Variants in OR4D9 observed in about 807,000 individuals in gnomAD.
OR4D9 encodes olfactory receptor family 4 subfamily D member 9, also known as olfactory receptor 4D9.
In OR4D9, 2 loss-of-function variants were observed where a neutral mutation model predicts 0.8. The observed-to-expected ratio is 2.58, with a 90% CI of 1.06 to 8.13. The LOEUF (loss-of-function observed/expected upper bound fraction) is 8.13, where lower values mean the gene tolerates loss of function less well. Among genes scored for constraint, OR4D9 ranks in the 30% most tolerant of loss-of-function variants. The pLI is 0.04. For synonymous variants in OR4D9, 146 were observed against 151.2 expected, an observed-to-expected ratio of 0.97 and a Z score of 0.25; for missense variants, 399 against 384.7, an observed-to-expected ratio of 1.04 and a Z score of -0.31.
rs1280741789 is a variant in OR4D9 at position 59,519,943 on chromosome 11, T to C, written c.*4086T>C. ...CTGGAGGCCGTGATCCTAAGCAAAT[T>C]AATGCAGGAACAAAAAATCGAATAC... On this transcript the variant is annotated 3_prime_UTR_variant, in exon 3 of 3. Coordinates refer to ENST00000641962, the MANE Select transcript of OR4D9 (RefSeq NM_001004711.2). 1 of 152,148 alleles carries C rather than the reference T, an allele frequency of 6.6e-6. No homozygotes were observed. Among genetic ancestry groups the C allele is most frequent in the African/African-American group, 2.4e-5 (1 of 41,430 alleles). 9.4% of individuals were successfully genotyped at this position (152,148 alleles called of 1,614,324 possible). A position where few individuals can be genotyped will look rare whatever the true frequency, so the allele number is the denominator to read the frequency against.
intron 1 of OR4D9, among the ~76,000 whole-genome samples, chr11:59,512,482 A>G (rs1859342193): frequency 6.6e-6 from 1 of 150,824 alleles, no homozygotes; most frequent in Non-Finnish European, 1.5e-5. Context: ...ATCTCAAAAA[A>G]AAAAAAAAAA....
rs1264253066 is a variant in OR4D9, at chr11:59,517,060, C to T, written c.*1203C>T. On this transcript the variant is annotated 3_prime_UTR_variant, in exon 3 of 3. Transcript: ENST00000641962. ...CTCCAGCCTGGGCAACAGAGCAAGA[C>T]TCTGTCCAAAAATAATAATAATAAT... 4 of 151,760 alleles carry T rather than the reference C, an allele frequency of 2.6e-5. No individual in the cohort carries two copies. Among genetic ancestry groups the T allele is most frequent in the Non-Finnish European group, 5.9e-5 (4 of 67,960 alleles). 9.4% of individuals were successfully genotyped at this position (151,760 alleles called of 1,614,324 possible).
chr11:59,513,981 A>C (rs192887260), intron 1 of OR4D9, among the ~76,000 whole-genome samples: 275 of 152,210 alleles, frequency 1.8e-3, no homozygotes, highest in Admixed American at 3.7e-3. Context: ...AAAAAATATA[A>C]AAAATAACAG....
rs1445254049 is a variant in OR4D9 at position 59,519,338 on chromosome 11, AG to A, written c.*3482del. Reference sequence around the variant, plus strand: ...CACCGTACTCCCACCTGGGCAAAAGAGTGAGACCCTGTCTCAAAAAAAAAAA... The same window carrying A: ...CACCGTACTCCCACCTGGGCAAAAGATGAGACCCTGTCTCAAAAAAAAAAA... On this transcript the variant is annotated 3_prime_UTR_variant, in exon 3 of 3. Transcript: ENST00000641962. 10 of 152,092 alleles carry A rather than the reference AG, an allele frequency of 6.6e-5. No individual in the cohort carries two copies. Among genetic ancestry groups the A allele is most frequent in the Admixed American group, 1.3e-4 (2 of 15,200 alleles). 9.4% of individuals were successfully genotyped at this position (152,092 alleles called of 1,614,324 possible).
rs756483296 is a variant in OR4D9, at chr11:59,515,523, G to A, written c.611G>A (p.Gly204Glu). 1.6e-5 allele frequency: 26 copies of A among 1,613,958 alleles called. No homozygotes were observed. The highest frequency in any genetic ancestry group is 1.5e-4 in the Admixed American group (9 of 59,984). The part of the protein sequence containing the change: ...TLELLMISNN[G>E]LVSWFVFFFL... The stretch of plus-strand genomic sequence containing the variant: ...GAGCTCCTGATGATTTCAAATAATG[G>A]GTTAGTCAGTTGGTTTGTATTCTTC... The change falls in exon 3 of 3, where the codon GGG becomes GAG. Residue 204 changes from glycine to glutamate, a missense_variant. By Grantham distance (98) the Gly-to-Glu change is moderately conservative. Coordinates refer to ENST00000641962, the MANE Select transcript of OR4D9 (RefSeq NM_001004711.2).
intron 1 of OR4D9, among the ~76,000 whole-genome samples, chr11:59,513,177 T>G (rs1859352661): frequency 6.6e-6 from 1 of 151,982 alleles, no homozygotes; most frequent in Admixed American, 6.6e-5. Flanking sequence ...TGTGTTCAAG[T>G]GATTCTCCTG....
Position 59,515,654 on chromosome 11 carries a change from ACCCTGCATTTCGTG to A in OR4D9, c.751_764del (p.Phe251LeufsTer64). On this transcript the variant is annotated frameshift_variant, in exon 3 of 3. Transcript: ENST00000641962. LOFTEE classifies it high-confidence loss of function. ...CTGCACCTCCCACATCACCGTGGTGACCCTGCATTTCGTGCCCTGCATCTATGTCTATGCCCGGC... is the reference window on the plus strand; with the variant it reads ...CTGCACCTCCCACATCACCGTGGTGACCCTGCATCTATGTCTATGCCCGGC... 4 of 1,613,916 alleles carry A rather than the reference ACCCTGCATTTCGTG, an allele frequency of 2.5e-6. No individual in the cohort carries two copies. Among genetic ancestry groups the A allele is most frequent in the Non-Finnish European group, 3.4e-6 (4 of 1,179,974 alleles).
chr11:59,515,879 T>G lies in OR4D9; in HGVS notation c.*22T>G. 4 of 1,492,598 alleles carry G rather than the reference T, an allele frequency of 2.7e-6. No individual in the cohort carries two copies. The highest frequency in any genetic ancestry group is 3.6e-6 in the Non-Finnish European group (4 of 1,097,548). 92.5% of individuals were successfully genotyped at this position (1,492,598 alleles called of 1,614,324 possible). On this transcript the variant is annotated 3_prime_UTR_variant, in exon 3 of 3. Coordinates refer to ENST00000641962, the MANE Select transcript of OR4D9 (RefSeq NM_001004711.2). ...ATAAGGGTAAGATAGTACCCATATTTAAAGATAGACATTAAATTTCACTTT... is the reference window on the plus strand; with the variant it reads ...ATAAGGGTAAGATAGTACCCATATTGAAAGATAGACATTAAATTTCACTTT...
rs1046080659 is a variant in OR4D9, at chr11:59,519,534, T to C, written c.*3677T>C. 1 of 152,082 alleles carries C rather than the reference T, an allele frequency of 6.6e-6. No homozygotes were observed. Among genetic ancestry groups the C allele is most frequent in the African/African-American group, 2.4e-5 (1 of 41,398 alleles). 9.4% of individuals were successfully genotyped at this position (152,082 alleles called of 1,614,324 possible). The stretch of plus-strand genomic sequence containing the variant: ...ACTAGAAGGGCAGGGTTCCATGAGA[T>C]AGAACATTAGGGTAGAGTGCCCCAA... On this transcript the variant is annotated 3_prime_UTR_variant, in exon 3 of 3. Coordinates refer to ENST00000641962, the MANE Select transcript of OR4D9 (RefSeq NM_001004711.2).
chr11:59,513,364 T>C (rs2134584687), intron 1 of OR4D9, among the ~76,000 whole-genome samples: 1 of 152,286 alleles, frequency 6.6e-6, no homozygotes, highest in Middle Eastern at 3.4e-3. Flanking sequence ...AATGAATGTT[T>C]TTACACCAGC....
At position 59,515,126 on chromosome 11, in the gene OR4D9, T is replaced by C; in HGVS notation, c.214T>C (p.Cys72Arg). ...CCGCAACCTGTCTATTCTTGACATC[T>C]GCTTTTCCTCCATCACAGCTCCTAA... ...LLRNLSILDI[C>R]FSSITAPKVL... Residue 72 changes from cysteine to arginine, a missense_variant, in exon 3 of 3, where the codon TGC becomes CGC. Transcript: ENST00000641962. The C allele has an allele frequency of 6.2e-7, 1 of 1,614,198 alleles. No homozygotes were observed. The highest frequency in any genetic ancestry group is 8.5e-7 in the Non-Finnish European group (1 of 1,180,034).
intron 1 of OR4D9, among the ~76,000 whole-genome samples, chr11:59,514,133 A>C (rs1411913847): frequency 6.6e-6 from 1 of 152,224 alleles, no homozygotes; most frequent in Non-Finnish European, 1.5e-5. Flanking sequence ...ATACATGTAG[A>C]TATATACATA....
At chr11:59,512,748 A>G (rs1240504520) in intron 1 of OR4D9, among the ~76,000 whole-genome samples, 3 of 151,442 alleles carry the variant, frequency 2.0e-5, no homozygotes, top group Non-Finnish European at 2.9e-5. Flanking sequence ...GGGAGGATCA[A>G]TTGAGCCCAG....
rs139740267 is a variant in OR4D9, at chr11:59,515,268, C to G, written c.356C>G (p.Ala119Gly). ...GADVFSLSVM[A>G]FDRYIAISKP... The stretch of plus-strand genomic sequence containing the variant: ...GACGTTTTTTCTCTCTCTGTGATGG[C>G]GTTTGACCGCTATATAGCCATCTCC... The change falls in exon 3 of 3, where the codon GCG becomes GGG. Residue 119 changes from alanine to glycine, a missense_variant. By Grantham distance (60) the Ala-to-Gly change is moderately conservative. Transcript: ENST00000641962. 5.0e-6 allele frequency: 8 copies of G among 1,612,338 alleles called. No individual in the cohort carries two copies.
Position 59,515,948 on chromosome 11 carries a change from T to G in OR4D9, c.*91T>G. Reference sequence around the variant, plus strand: ...CTTGTTCATGCCCAAAACAAAGAGATACCTATGGCCACCATCGAGTCCTAA... The same window carrying G: ...CTTGTTCATGCCCAAAACAAAGAGAGACCTATGGCCACCATCGAGTCCTAA... On this transcript the variant is annotated 3_prime_UTR_variant, in exon 3 of 3. Transcript: ENST00000641962. 1.1e-6 allele frequency: 1 copy of G among 908,462 alleles called. No individual in the cohort carries two copies. Among genetic ancestry groups the G allele is most frequent in the East Asian group, 2.6e-5 (1 of 38,056 alleles). The allele number at this position is 908,462 out of a possible 1,614,324, so 56.3% of individuals were successfully genotyped here. A position where few individuals can be genotyped will look rare whatever the true frequency, so the allele number is the denominator to read the frequency against.
rs1178030248 is a variant in OR4D9 at position 59,518,461 on chromosome 11, A to G, written c.*2604A>G. On this transcript the variant is annotated 3_prime_UTR_variant, in exon 3 of 3. Transcript: ENST00000641962. ...TGTCCATGATCCAGCAGATGGAGAAAGGGAGAGAGAATTAAGAATAAGTGA... is the reference window on the plus strand; with the variant it reads ...TGTCCATGATCCAGCAGATGGAGAAGGGGAGAGAGAATTAAGAATAAGTGA... 6.6e-6 allele frequency: 1 copy of G among 152,286 alleles called. No individual in the cohort carries two copies. The highest frequency in any genetic ancestry group is 1.9e-4 in the East Asian group (1 of 5,202). The allele number at this position is 152,286 out of a possible 1,614,324, so 9.4% of individuals were successfully genotyped here. A position where few individuals can be genotyped will look rare whatever the true frequency, so the allele number is the denominator to read the frequency against.
At chr11:59,513,098 T>C (rs112106578) in intron 1 of OR4D9, among the ~76,000 whole-genome samples, 4,967 of 152,012 alleles carry the variant, frequency 0.033, 278 homozygotes, top group African/African-American at 0.11. Flanking sequence ...TTTTTTGAGA[T>C]GGAGTCTCGC....
At chr11:59,514,322 C>A (rs1047442142) in intron 1 of OR4D9, among the ~76,000 whole-genome samples, 19 of 152,136 alleles carry the variant, frequency 1.2e-4, no homozygotes, top group African/African-American at 4.3e-4. Flanking sequence ...GCCAATCTGG[C>A]ATGTATATTG....
rs1208965102 is a variant in OR4D9, at chr11:59,517,427, C to A, written c.*1570C>A. 2.0e-5 allele frequency: 3 copies of A among 152,154 alleles called. No individual in the cohort carries two copies. Among genetic ancestry groups the A allele is most frequent in the Non-Finnish European group, 2.9e-5 (2 of 68,066 alleles). 9.4% of individuals were successfully genotyped at this position (152,154 alleles called of 1,614,324 possible). A position where few individuals can be genotyped will look rare whatever the true frequency, so the allele number is the denominator to read the frequency against. On this transcript the variant is annotated 3_prime_UTR_variant, in exon 3 of 3. Transcript: ENST00000641962. ...ATAACTCCATTTATGACCACCTGAA[C>A]AATGCAAGCCCATGATTTCTGTTGA...
Sources: gnomAD v4.1 joint callset for allele counts (sites outside exome capture counted in the v4.1 genomes callset) on GRCh38, gnomAD v4.1.1 for gene constraint, MANE v1.5 for transcripts, NCBI Gene and HGNC (gene_info 2026-07-23, HGNC 2026-07-21) for gene names.